The following TOX variants were observed in gnomAD, a reference collection of about 807,000 sequenced individuals.
TOX encodes the protein thymocyte selection associated high mobility group box.
Under a neutral mutation model 53.7 loss-of-function variants are expected in TOX, and 11 were observed. That is an observed-to-expected ratio of 0.20 (90% CI 0.13 to 0.34). TOX has a LOEUF of 0.34. TOX is among the 10% of genes least tolerant of loss of function. The probability of loss-of-function intolerance (pLI) is 1.00; values close to 1 mark genes in which losing one functional copy is unlikely to be tolerated. For missense variants in TOX, 570 were observed against 664.6 expected, an observed-to-expected ratio of 0.86 and a Z score of 1.56; for synonymous variants, 225 against 245.3, an observed-to-expected ratio of 0.92 and a Z score of 0.77.
chr8:59,030,945 T>C (rs764881210), intron 1 of TOX, among the ~76,000 whole-genome samples: 23 of 152,204 alleles, frequency 1.5e-4, no homozygotes, highest in Non-Finnish European at 1.8e-4. Context: ...CATCTAAACA[T>C]TTGATATGAA....
chr8:58,932,100 A>G (rs1483936043), intron 3 of TOX, among the ~76,000 whole-genome samples: 1 of 152,170 alleles, frequency 6.6e-6, no homozygotes, highest in East Asian at 1.9e-4. Context: ...ATTAACTATA[A>G]ACAACACCTA....
At chr8:58,937,611 A>G (rs1339148437) in intron 3 of TOX, among the ~76,000 whole-genome samples, 1 of 152,222 alleles carries the variant, frequency 6.6e-6, no homozygotes, top group Non-Finnish European at 1.5e-5. Context: ...ATTGAGATGG[A>G]TGTAGAAATG....
intron 3 of TOX, among the ~76,000 whole-genome samples, chr8:58,904,005 C>A (rs543755076): frequency 6.6e-6 from 1 of 152,240 alleles, no homozygotes; most frequent in South Asian, 2.1e-4. Flanking sequence ...ATGAACCACA[C>A]AAGTACTACC....
chr8:58,953,860 C>CA (rs1563399434), intron 2 of TOX, among the ~76,000 whole-genome samples: 2 of 149,186 alleles, frequency 1.3e-5, no homozygotes. Flanking sequence ...GTAAAGATAC[C>CA]TTTTTTTTTT....
chr8:58,922,579 T>C (rs1047414822), intron 3 of TOX, among the ~76,000 whole-genome samples: 3 of 152,154 alleles, frequency 2.0e-5, no homozygotes, highest in Admixed American at 2.0e-4. Flanking sequence ...ACACCAGATA[T>C]ATATGTGTTA....
intron 1 of TOX, among the ~76,000 whole-genome samples, chr8:59,116,958 A>G (rs1474827527): frequency 6.6e-6 from 1 of 152,258 alleles, no homozygotes; most frequent in Non-Finnish European, 1.5e-5. Context: ...GATTTAATAT[A>G]TTGAAGTAAT....
intron 1 of TOX, among the ~76,000 whole-genome samples, chr8:59,059,245 T>G (rs921485538): frequency 6.6e-6 from 1 of 152,166 alleles, no homozygotes; most frequent in Non-Finnish European, 1.5e-5. Flanking sequence ...TTCCCCTTCC[T>G]TCACATCACC....
At chr8:58,861,081 A>C (rs890061423) in intron 3 of TOX, among the ~76,000 whole-genome samples, 4 of 152,150 alleles carry the variant, frequency 2.6e-5, no homozygotes, top group Non-Finnish European at 4.4e-5. Context: ...CAATATTACC[A>C]AGTTTGACAC....
At chr8:58,999,833 A>G (rs972310014) in intron 1 of TOX, among the ~76,000 whole-genome samples, 9 of 152,216 alleles carry the variant, frequency 5.9e-5, no homozygotes, top group African/African-American at 2.2e-4. Flanking sequence ...CTATCACATC[A>G]TGAGTGGAAG....
At chr8:58,810,409 C>T (rs1328432331) in intron 7 of TOX, among the ~76,000 whole-genome samples, 1 of 152,096 alleles carries the variant, frequency 6.6e-6, no homozygotes, top group South Asian at 2.1e-4. Flanking sequence ...GGCACCATCT[C>T]GGCTCACTGC....
intron 1 of TOX, among the ~76,000 whole-genome samples, chr8:59,052,923 G>A (rs1055000022): frequency 2.7e-4 from 41 of 151,922 alleles, no homozygotes; most frequent in Admixed American, 2.0e-3. Flanking sequence ...ACCAAATAAC[G>A]AAAAATGAAT....
intron 3 of TOX, among the ~76,000 whole-genome samples, chr8:58,919,208 T>G (rs1812031887): frequency 6.8e-6 from 1 of 147,642 alleles, no homozygotes; most frequent in African/African-American, 2.6e-5. Context: ...AAAACTACTT[T>G]AAAGTTCATA....
At chr8:58,992,628 G>GA (rs949342844) in intron 1 of TOX, among the ~76,000 whole-genome samples, 60 of 151,428 alleles carry the variant, frequency 4.0e-4, no homozygotes, top group Admixed American at 1.1e-3. Flanking sequence ...CTCCTCTCAC[G>GA]AAAAAAAATA....
chr8:59,042,255 T>G (rs772629861), intron 1 of TOX, among the ~76,000 whole-genome samples: 5 of 152,224 alleles, frequency 3.3e-5, no homozygotes, highest in Non-Finnish European at 7.3e-5. Context: ...TCAGAAGTTC[T>G]TCAACCAAAC....
intron 1 of TOX, among the ~76,000 whole-genome samples, chr8:59,026,901 GA>G (rs58806202): frequency 0.71 from 96,782 of 136,056 alleles, 34,719 homozygotes; most frequent in Non-Finnish European, 0.82. Context: ...AGAGAGAAAG[GA>G]AAAAAAAAAA....
At chr8:58,842,450 G>A (rs894219782) in intron 4 of TOX, among the ~76,000 whole-genome samples, 4 of 152,202 alleles carry the variant, frequency 2.6e-5, no homozygotes, top group Admixed American at 6.5e-5. Flanking sequence ...CTCTAGAATT[G>A]TAAGAAATAT....
At chr8:58,838,002 C>G in intron 5 of TOX, 79 bp downstream of exon 5, 1 of 1,379,022 alleles carries the variant, frequency 7.3e-7, no homozygotes, top group Non-Finnish European at 1.0e-6. Flanking sequence ...AAGAATTTAC[C>G]CCAAGCCCTG....
intron 3 of TOX, among the ~76,000 whole-genome samples, chr8:58,911,322 A>G (rs1477659904): frequency 1.3e-5 from 2 of 152,188 alleles, no homozygotes; most frequent in African/African-American, 2.4e-5. Flanking sequence ...AGATACTTCA[A>G]TGGCACTACT....
chr8:58,818,897 T>C (rs1436554277), intron 6 of TOX, among the ~76,000 whole-genome samples: 1 of 152,214 alleles, frequency 6.6e-6, no homozygotes, highest in African/African-American at 2.4e-5. Context: ...GCAGGGCAGC[T>C]AGTTCAGTCT....
Sources: allele counts gnomAD v4.1 joint callset (sites outside exome capture counted in the v4.1 genomes callset), GRCh38; gene constraint gnomAD v4.1.1; transcripts MANE v1.5; gene names NCBI Gene and HGNC (gene_info 2026-07-23, HGNC 2026-07-21).